The following PPFIA3 variants were observed in gnomAD, a reference collection of about 807,000 sequenced individuals.
PPFIA3 encodes liprin-alpha-3.
Under a neutral mutation model 145.8 loss-of-function variants are expected in PPFIA3, and 26 were observed. The ratio of observed to expected loss-of-function variants is 0.18; its 90% CI spans 0.13 to 0.25. The LOEUF (loss-of-function observed/expected upper bound fraction) is 0.25. PPFIA3 is among the 10% of genes least tolerant of loss of function. PPFIA3 has a pLI of 1.00. For missense variants in PPFIA3, 1,008 were observed against 1,587.8 expected, an observed-to-expected ratio of 0.63 and a Z score of 6.21; for synonymous variants, 645 against 661.4, an observed-to-expected ratio of 0.98 and a Z score of 0.38.
At chr19:49,140,874 T>G (rs936636799) in intron 18 of PPFIA3, among the ~76,000 whole-genome samples, 2 of 151,864 alleles carry the variant, frequency 1.3e-5, no homozygotes, top group South Asian at 4.2e-4. Flanking sequence ...CAGGATGGTC[T>G]TGATCTCCTG....
intron 4 of PPFIA3, 109 bp from the exon 5 acceptor site, chr19:49,129,271 G>T (rs566891908): frequency 4.2e-6 from 5 of 1,178,468 alleles, no homozygotes; most frequent in Non-Finnish European, 5.9e-6. Flanking sequence ...GGAGACAGGA[G>T]CCCCAACGCT....
intron 7 of PPFIA3, among the ~76,000 whole-genome samples, chr19:49,131,028 A>ATTTTT (rs33934210): frequency 1.5e-5 from 2 of 134,360 alleles, no homozygotes; most frequent in Non-Finnish European, 1.6e-5. Context: ...TGCACCGCTA[A>ATTTTT]TTTTTTTTTT....
In PPFIA3 at chr19:49,131,314, G is replaced by T. The variant is rs563655432; in HGVS notation, c.879+715G>T. Reference sequence around the variant, plus strand: ...CTCCCTAGTAGCTGGGACTACAGGTGTGCACCACCACACCTGGCTAATTTT... The same window carrying T: ...CTCCCTAGTAGCTGGGACTACAGGTTTGCACCACCACACCTGGCTAATTTT... On this transcript the variant is annotated intron_variant, in intron 7 of 29. Transcript: ENST00000334186. Among the ~76,000 whole-genome samples, 447 of 146,704 alleles carry T rather than the reference G, an allele frequency of 3.0e-3. 4 individuals carry two copies. The highest frequency in any genetic ancestry group is 3.3e-3 in the Non-Finnish European group (219 of 67,136).
At chr19:49,146,123 C>T in intron 22 of PPFIA3, 43 bp from the exon 23 acceptor site, 2 of 1,613,722 alleles carry the variant, frequency 1.2e-6, no homozygotes, top group African/African-American at 1.3e-5. Flanking sequence ...CTGCCTGCCC[C>T]TTAACTCACC....
At position 49,138,331 on chromosome 19, in the gene PPFIA3, C is replaced by T. The variant is rs1024283869; in HGVS notation, c.1980C>T (p.Thr660=). The T allele has an allele frequency of 6.2e-7, 1 of 1,612,094 alleles. No individual in the cohort carries two copies. Residue 660 remains threonine (T), a synonymous_variant, in exon 16 of 30, where the codon ACC becomes ACT. Transcript: ENST00000334186. ...RSSCSLPPSL[T]TSTLASPSPP... ...GCTGCTCCCTGCCCCCCTCCCTCAC[C>T]ACCTCTACCCTTGCCAGCCCCTCCC...
In PPFIA3 at chr19:49,130,143, A is replaced by C. The variant is rs767018790; in HGVS notation, c.657+76A>C. On this transcript the variant is annotated intron_variant, in intron 6 of 29. Coordinates refer to ENST00000334186, the MANE Select transcript of PPFIA3 (RefSeq NM_003660.4). The surrounding 1 kb of genome is among the most constrained non-coding windows in gnomAD (Gnocchi z 4.5). Reference sequence around the variant, plus strand: ...TGTGATAGTGTTTGTAACGTTTGGTATCATCCTCACTGGCCCTAAGACGGC... The same window carrying C: ...TGTGATAGTGTTTGTAACGTTTGGTCTCATCCTCACTGGCCCTAAGACGGC... 35 of 1,469,300 alleles carry C rather than the reference A, an allele frequency of 2.4e-5. No homozygotes were observed. The highest frequency in any genetic ancestry group is 3.0e-5 in the Non-Finnish European group (32 of 1,073,200). 91.0% of individuals were successfully genotyped at this position (1,469,300 alleles called of 1,614,324 possible).
Position 49,149,983 on chromosome 19 carries a change from G to A in PPFIA3, c.3527-97G>A. On this transcript the variant is annotated intron_variant, in intron 28 of 29. Coordinates refer to ENST00000334186, the MANE Select transcript of PPFIA3 (RefSeq NM_003660.4). This position sits in a 1 kb window ranked among gnomAD's most constrained non-coding sequence, Gnocchi z 5.7. ...GAAACCCATGTGGAGCCCGGCGATCGTTGTGACATCGGGAAGGGAAGTCCA... is the reference window on the plus strand; with the variant it reads ...GAAACCCATGTGGAGCCCGGCGATCATTGTGACATCGGGAAGGGAAGTCCA... 1.4e-6 allele frequency: 2 copies of A among 1,405,350 alleles called. No individual in the cohort carries two copies. Among genetic ancestry groups the A allele is most frequent in the South Asian group, 1.3e-5 (1 of 78,740 alleles). The allele number at this position is 1,405,350 out of a possible 1,614,324, so 87.1% of individuals were successfully genotyped here. A position where few individuals can be genotyped will look rare whatever the true frequency, so the allele number is the denominator to read the frequency against.
rs767162626 is a variant in PPFIA3, at chr19:49,150,122, G to A, written c.3569G>A (p.Arg1190Gln). The change falls in exon 29 of 30, where the codon CGG (arginine) becomes CAG (glutamine). Residue 1190 changes from arginine (R) to glutamine (Q), a missense_variant. Arg to Gln is a conservative substitution (Grantham distance 43, BLOSUM62 1). Around this residue, in one of 11 missense-constraint regions of PPFIA3, gnomAD observed 125 missense variants for 159.3 expected, o/e 0.78. Transcript: ENST00000334186. ...TCCCGGGCAGACGGCGTTTCGGTCCGGACCTATTCCTGCTAGTGCAGGCCT... is the reference window on the plus strand; with the variant it reads ...TCCCGGGCAGACGGCGTTTCGGTCCAGACCTATTCCTGCTAGTGCAGGCCT... ...GSSRADGVSV[R>Q]TYSC is the part of the protein sequence containing the mutation. The A allele has an allele frequency of 1.2e-6, 2 of 1,611,026 alleles. No homozygotes were observed. Among genetic ancestry groups the A allele is most frequent in the South Asian group, 1.1e-5 (1 of 89,988 alleles).
rs184070929 is a variant in PPFIA3 at position 49,139,483 on chromosome 19, C to G, written c.2077-185C>G. ...CAGCCTGGGCCACAAGAGTGAAACT[C>G]CATCTCAAAAAAAAAAAAAAAAAAA... On this transcript the variant is annotated intron_variant, in intron 16 of 29. Coordinates refer to ENST00000334186, the MANE Select transcript of PPFIA3 (RefSeq NM_003660.4). Among the ~76,000 whole-genome samples the G allele has an allele frequency of 3.3e-3, 486 of 147,840 alleles. 2 individuals are homozygous for G. The highest frequency in any genetic ancestry group is 0.011 in the African/African-American group (431 of 39,786).
In PPFIA3 at chr19:49,120,620, G is replaced by T. The variant is rs1216200276; in HGVS notation, c.-16+898G>T. Among the ~76,000 whole-genome samples the T allele has an allele frequency of 6.6e-6, 1 of 152,148 alleles. No homozygotes were observed. Among genetic ancestry groups the T allele is most frequent in the East Asian group, 1.9e-4 (1 of 5,196 alleles). Reference sequence around the variant, plus strand: ...CCCCGCTGTGCCCTGCAGACACACAGACTTAGCCTCCTGGCACCCAGCATC... The same window carrying T: ...CCCCGCTGTGCCCTGCAGACACACATACTTAGCCTCCTGGCACCCAGCATC... On this transcript the variant is annotated intron_variant, in intron 1 of 29. Coordinates refer to ENST00000334186, the MANE Select transcript of PPFIA3 (RefSeq NM_003660.4). This position sits in a 1 kb window ranked among gnomAD's most constrained non-coding sequence, Gnocchi z 4.6.
chr19:49,133,031 C>A lies in PPFIA3; in HGVS notation c.910C>A (p.Arg304=), dbSNP rs1326259122. ...GGCGCAGCGGGAAGATATGGAGGAG[C>A]GGATTACAACACTGGAGAAGCGCTA... ...ALAQREDMEE[R]ITTLEKRYLS... Residue 304 remains arginine, a synonymous_variant, in exon 8 of 30, where the codon CGG becomes AGG. Transcript: ENST00000334186. The surrounding 1 kb of genome is among the most constrained non-coding windows in gnomAD (Gnocchi z 7.2). 2.5e-6 allele frequency: 4 copies of A among 1,612,414 alleles called. No individual in the cohort carries two copies. The highest frequency in any genetic ancestry group is 1.3e-5 in the African/African-American group (1 of 74,966).
Position 49,150,367 on chromosome 19 carries a change from G to T in PPFIA3, c.*145G>T, listed in dbSNP as rs2041333803. ...CTGGACCATCTGTACAGACCAGCGG[G>T]AGTGCGCGCGCCCGCCTCGCACAGG... On this transcript the variant is annotated 3_prime_UTR_variant, in exon 30 of 30. Transcript: ENST00000334186. 1.2e-5 allele frequency: 6 copies of T among 484,146 alleles called. No homozygotes were observed. The Admixed American group carries it at 2.2e-4, about 18-fold the overall frequency. The allele number at this position is 484,146 out of a possible 1,614,324, so 30.0% of individuals were successfully genotyped here.
At chr19:49,141,397 T>G (rs760360298) in intron 18 of PPFIA3, 23 bp from the exon 19 acceptor site, 4 of 1,603,468 alleles carry the variant, frequency 2.5e-6, no homozygotes, top group Non-Finnish European at 3.4e-6. Flanking sequence ...ATTTTCCAAA[T>G]TTCGACCCCT....
rs770814501 is a variant in PPFIA3, at chr19:49,139,800, T to G, written c.2209T>G (p.Ser737Ala). ...CCAGGCCTTGGCACTGCAGGCGGGGTCCCTGGAAGATGGGGGACCCCCACG... is the reference window on the plus strand; with the variant it reads ...CCAGGCCTTGGCACTGCAGGCGGGGGCCCTGGAAGATGGGGGACCCCCACG... ...MTQALALQAG[S>A]LEDGGPPRGS... The change falls in exon 17 of 30, where the codon TCC (serine) becomes GCC (alanine). Residue 737 changes from serine to alanine, a missense_variant. Transcript: ENST00000334186. 8.1e-6 allele frequency: 13 copies of G among 1,610,796 alleles called. No homozygotes were observed. In the Admixed American group the frequency reaches 2.0e-4, roughly 25 times the overall value.
chr19:49,146,661 G>A (rs995512649), intron 23 of PPFIA3, among the ~76,000 whole-genome samples: 1 of 152,182 alleles, frequency 6.6e-6, no homozygotes, highest in African/African-American at 2.4e-5. Flanking sequence ...CGGGCGCAGT[G>A]GCTCACGCCT....
At position 49,145,887 on chromosome 19, in the gene PPFIA3, C is replaced by T. The variant is rs2041273720; in HGVS notation, c.2746-56C>T. ...GGGCCTTCAGGAGGACACCCTCCTTCCTCTCCCCCACGCGAAGCCCTCTCC... is the reference window on the plus strand; with the variant it reads ...GGGCCTTCAGGAGGACACCCTCCTTTCTCTCCCCCACGCGAAGCCCTCTCC... On this transcript the variant is annotated intron_variant, in intron 21 of 29. Coordinates refer to ENST00000334186, the MANE Select transcript of PPFIA3 (RefSeq NM_003660.4). The T allele has an allele frequency of 2.0e-6, 3 of 1,522,224 alleles. No individual in the cohort carries two copies. The Admixed American group carries it at 5.0e-5, about 25-fold the overall frequency. The allele number at this position is 1,522,224 out of a possible 1,614,324, so 94.3% of individuals were successfully genotyped here.
At chr19:49,122,573 T>C (rs2040948697) in intron 1 of PPFIA3, among the ~76,000 whole-genome samples, 1 of 152,176 alleles carries the variant, frequency 6.6e-6, no homozygotes, top group Non-Finnish European at 1.5e-5. Flanking sequence ...ACTTCTAAGA[T>C]GTGTGTGTTC....
chr19:49,120,232 C>A lies in PPFIA3; in HGVS notation c.-16+510C>A, dbSNP rs1008161777. 1.3e-5 allele frequency among the ~76,000 whole-genome samples: 2 copies of A among 152,080 alleles called. No individual in the cohort carries two copies. Among genetic ancestry groups the A allele is most frequent in the Admixed American group, 1.3e-4 (2 of 15,282 alleles). ...CGCGCTCGGCAGCCTCGCCTCCCCC[C>A]ACCTCCTGCCGCCGCCACCAGGGAG... On this transcript the variant is annotated intron_variant, in intron 1 of 29. Coordinates refer to ENST00000334186, the MANE Select transcript of PPFIA3 (RefSeq NM_003660.4). This position sits in a 1 kb window ranked among gnomAD's most constrained non-coding sequence, Gnocchi z 4.6.
chr19:49,122,404 A>G (rs1314290687), intron 1 of PPFIA3, among the ~76,000 whole-genome samples: 2 of 151,976 alleles, frequency 1.3e-5, no homozygotes, highest in Non-Finnish European at 2.9e-5. Context: ...ATATATTTAG[A>G]TAAGACCCCT....
Sources: gnomAD v4.1 joint callset for allele counts (sites outside exome capture counted in the v4.1 genomes callset) on GRCh38, gnomAD v4.1.1 for gene constraint, gnomAD v4.1.1 regional missense constraint, Gnocchi (gnomAD v3.1) non-coding constraint, MANE v1.5 for transcripts, NCBI Gene and HGNC (gene_info 2026-07-23, HGNC 2026-07-21) for gene names.